The following KATNAL1 variants were observed in gnomAD, a reference collection of about 807,000 sequenced individuals.
KATNAL1 encodes katanin catalytic subunit A1 like 1, also known as katanin p60 ATPase-containing subunit A-like 1.
In KATNAL1, 32 loss-of-function variants were observed where a neutral mutation model predicts 55.2. The observed-to-expected ratio is 0.58, with a 90% CI of 0.44 to 0.78. The LOEUF is 0.78. Among genes scored for constraint, KATNAL1 ranks in the 30% least tolerant of loss-of-function variants. KATNAL1 has a pLI of 0.00. For missense variants in KATNAL1, 466 were observed against 600.9 expected (o/e 0.78, Z 2.35); for synonymous variants, 193 against 193.6 (o/e 1.00, Z 0.02).
chr13:30,292,659 C>T (rs1319599277), intron 1 of KATNAL1, among the ~76,000 whole-genome samples: 2 of 152,118 alleles, frequency 1.3e-5, no homozygotes, highest in Non-Finnish European at 2.9e-5. Context: ...AGCCCTTCTG[C>T]CTCCTCTATG....
chr13:30,215,849 A>G lies in KATNAL1; in HGVS notation c.1148-5407T>C, dbSNP rs531170923. On this transcript the variant is annotated intron_variant, in intron 9 of 10. Coordinates refer to ENST00000380615, the MANE Select transcript of KATNAL1 (RefSeq NM_032116.5). Reference sequence around the variant, plus strand: ...TAAATGACGAGTTAATGGGTGCAGCACACCAGCATGGCACATGTATACATA... The same window carrying G: ...TAAATGACGAGTTAATGGGTGCAGCGCACCAGCATGGCACATGTATACATA... Among the ~76,000 whole-genome samples, 33 of 152,288 alleles carry G rather than the reference A, an allele frequency of 2.2e-4. No homozygotes were observed. The Middle Eastern group carries it at 0.01, about 47-fold the overall frequency.
At chr13:30,277,106 T>C (rs1404865349) in intron 3 of KATNAL1, among the ~76,000 whole-genome samples, 3 of 152,202 alleles carry the variant, frequency 2.0e-5, no homozygotes, top group Non-Finnish European at 2.9e-5. Context: ...TAAAAAGCCA[T>C]ATCCTCTCTG....
intron 9 of KATNAL1, among the ~76,000 whole-genome samples, chr13:30,223,443 A>C (rs1875124144): frequency 1.6e-4 from 1 of 6,258 alleles, no homozygotes; most frequent in Non-Finnish European, 4.1e-4. Flanking sequence ...CTCCATCTCA[A>C]AAAAAAAAAA....
At chr13:30,213,583 A>G (rs1483737717) in intron 9 of KATNAL1, among the ~76,000 whole-genome samples, 3 of 152,220 alleles carry the variant, frequency 2.0e-5, no homozygotes, top group Admixed American at 6.5e-5. Context: ...CCATGATCAA[A>G]TGGGCTTCAA....
intron 3 of KATNAL1, among the ~76,000 whole-genome samples, chr13:30,266,606 T>C (rs1879803193): frequency 6.6e-6 from 1 of 152,206 alleles, no homozygotes; most frequent in African/African-American, 2.4e-5. Context: ...ATTGCATGCA[T>C]GTCACCCTCA....
chr13:30,232,486 TA>T (rs1241874801), intron 6 of KATNAL1, among the ~76,000 whole-genome samples: 29 of 152,304 alleles, frequency 1.9e-4, no homozygotes, highest in African/African-American at 5.1e-4. Flanking sequence ...TTTACAAAAA[TA>T]TTTTTTTGCT....
intron 3 of KATNAL1, among the ~76,000 whole-genome samples, chr13:30,256,735 G>A (rs778753645): frequency 2.0e-5 from 3 of 152,204 alleles, no homozygotes; most frequent in East Asian, 1.9e-4. Context: ...AACATGTTGT[G>A]AGTCTGATAC....
rs765841328 is a variant in KATNAL1, at chr13:30,208,507, A to T, written c.*33T>A. On this transcript the variant is annotated 3_prime_UTR_variant, in exon 11 of 11. Transcript: ENST00000380615. ...AGGAATTTCTTCGTATTTTATCAAC[A>T]AAAATACCAGAAATTAAAGAGCTGA... 6.9e-7 allele frequency: 1 copy of T among 1,452,172 alleles called. No individual in the cohort carries two copies. Among genetic ancestry groups the T allele is most frequent in the Non-Finnish European group, 9.2e-7 (1 of 1,090,458 alleles). The allele number at this position is 1,452,172 out of a possible 1,614,324, so 90.0% of individuals were successfully genotyped here. A position where few individuals can be genotyped will look rare whatever the true frequency, so the allele number is the denominator to read the frequency against.
intron 3 of KATNAL1, among the ~76,000 whole-genome samples, chr13:30,257,636 C>T (rs760986405): frequency 2.2e-4 from 33 of 152,206 alleles, no homozygotes; most frequent in Non-Finnish European, 1.0e-4. Flanking sequence ...GTCCATTCTC[C>T]ACACAAATCC....
In KATNAL1 at chr13:30,212,821, TC is replaced by T. The variant is rs1335624119; in HGVS notation, c.1148-2380del. Among the ~76,000 whole-genome samples, 20 of 152,248 alleles carry T rather than the reference TC, an allele frequency of 1.3e-4. 1 individual carries two copies. The highest frequency in any genetic ancestry group is 9.2e-4 in the Admixed American group (14 of 15,284). On this transcript the variant is annotated intron_variant, in intron 9 of 10. Coordinates refer to ENST00000380615, the MANE Select transcript of KATNAL1 (RefSeq NM_032116.5). Reference sequence around the variant, plus strand: ...AATAGATGGTATGGGTTAAACCATGTCCCTCAAAATTTTTAGGCAACTCCTA... The same window carrying T: ...AATAGATGGTATGGGTTAAACCATGTCCTCAAAATTTTTAGGCAACTCCTA...
chr13:30,224,981 C>T (rs1379036426), intron 9 of KATNAL1, among the ~76,000 whole-genome samples: 1 of 152,204 alleles, frequency 6.6e-6, no homozygotes, highest in Non-Finnish European at 1.5e-5. Flanking sequence ...AAAGCTGGCA[C>T]ATACTGTCAC....
At chr13:30,253,662 C>CAAA (rs71093036) in intron 4 of KATNAL1, among the ~76,000 whole-genome samples, 2 of 88,100 alleles carry the variant, frequency 2.3e-5, no homozygotes, top group African/African-American at 4.4e-5. Context: ...GACTCCATCT[C>CAAA]AAAAAAAAAA....
chr13:30,226,980 G>A (rs1875544466), intron 9 of KATNAL1, among the ~76,000 whole-genome samples: 1 of 152,078 alleles, frequency 6.6e-6, no homozygotes, highest in African/African-American at 2.4e-5. Flanking sequence ...GAAGGCTAAG[G>A]CACAAGAATC....
intron 6 of KATNAL1, among the ~76,000 whole-genome samples, chr13:30,232,573 A>G (rs1876213723): frequency 6.6e-6 from 1 of 152,210 alleles, no homozygotes; most frequent in South Asian, 2.1e-4. Context: ...TGCTATAGGC[A>G]TAACCAGAGC....
At chr13:30,283,293 G>GAAAAAAAAAAAAAAAAAAAAAA (rs1593945549) in intron 2 of KATNAL1, among the ~76,000 whole-genome samples, 1 of 55,894 alleles carries the variant, frequency 1.8e-5, no homozygotes, top group Admixed American at 1.8e-4. Flanking sequence ...AAAAAAAAAG[G>GAAAAAAAAAAAAAAAAAAAAAA]AATGAATGAA....
intron 1 of KATNAL1, among the ~76,000 whole-genome samples, chr13:30,297,565 CG>C (rs1165313415): frequency 6.6e-6 from 1 of 152,100 alleles, no homozygotes; most frequent in Non-Finnish European, 1.5e-5. Flanking sequence ...CACATGCACT[CG>C]TATCTTCACT....
Position 30,207,962 on chromosome 13 carries a change from G to T in KATNAL1, c.*578C>A, listed in dbSNP as rs7328946. 0.73 allele frequency: 111,781 copies of T among 152,148 alleles called. 41,556 individuals carry two copies. The highest frequency in any genetic ancestry group is 0.81 in the Admixed American group (12,374 of 15,296). 9.4% of individuals were successfully genotyped at this position (152,148 alleles called of 1,614,324 possible). A position where few individuals can be genotyped will look rare whatever the true frequency, so the allele number is the denominator to read the frequency against. On this transcript the variant is annotated 3_prime_UTR_variant, in exon 11 of 11. Transcript: ENST00000380615. ...TCCTCAGTAAAGCTCAAGATATTAT[G>T]AAGTAGCTAGCAGAAGAAATGGCAG...
intron 4 of KATNAL1, among the ~76,000 whole-genome samples, chr13:30,246,925 C>T (rs1877851806): frequency 6.6e-6 from 1 of 151,984 alleles, no homozygotes. Flanking sequence ...TGTTAGTTCC[C>T]CACTTTCATG....
intron 6 of KATNAL1, among the ~76,000 whole-genome samples, chr13:30,236,179 T>C: frequency 6.6e-6 from 1 of 152,156 alleles, no homozygotes; most frequent in Non-Finnish European, 1.5e-5. Context: ...GGCTCGACTG[T>C]AAGGCTTCCC....
Sources: allele counts gnomAD v4.1 joint callset (sites outside exome capture counted in the v4.1 genomes callset), GRCh38; gene constraint gnomAD v4.1.1; transcripts MANE v1.5; gene names NCBI Gene and HGNC (gene_info 2026-07-23, HGNC 2026-07-21).